The following ANKRD30A variants were observed in gnomAD, a reference collection of about 807,000 sequenced individuals.
ANKRD30A encodes the protein ankyrin repeat domain 30A, also known as ankyrin repeat domain-containing protein 30A.
In ANKRD30A, 170 loss-of-function variants were observed where a neutral mutation model predicts 166.3. The observed-to-expected ratio is 1.02, with a 90% CI of 0.90 to 1.16. The LOEUF is 1.16. Among genes scored for constraint, ANKRD30A ranks in the 50% most tolerant of loss-of-function variants. The pLI, the probability that ANKRD30A is intolerant of heterozygous loss-of-function variation, is 0.00. For missense variants in ANKRD30A, 1,630 were observed against 1,518.0 expected (o/e 1.07, Z -1.23); for synonymous variants, 564 against 508.9 (o/e 1.11, Z -1.46).
At chr10:37,147,494 A>C in intron 9 of ANKRD30A, 37 bp downstream of exon 9, 1 of 1,411,816 alleles carries the variant, frequency 7.1e-7, no homozygotes, top group Non-Finnish European at 9.8e-7. Flanking sequence ...TCTTTTAACC[A>C]TATGTTTGTC....
At chr10:37,238,759 G>A in the ANKRD30A span, among the ~76,000 whole-genome samples, 1 of 152,088 alleles carries the variant, frequency 6.6e-6, no homozygotes, top group Non-Finnish European at 1.5e-5. Context: ...GAAGTCACGT[G>A]AAAATGTATA....
chr10:37,191,510 T>A (rs1291367249), intron 25 of ANKRD30A, among the ~76,000 whole-genome samples: 1 of 151,960 alleles, frequency 6.6e-6, no homozygotes, highest in Non-Finnish European at 1.5e-5. Flanking sequence ...TACGTTCAGC[T>A]TTTGCATTTA....
At chr10:37,160,981 C>A (rs1371539892) in intron 15 of ANKRD30A, among the ~76,000 whole-genome samples, 1 of 152,092 alleles carries the variant, frequency 6.6e-6, no homozygotes, top group African/African-American at 2.4e-5. Flanking sequence ...TGACTGGGTG[C>A]GGTGGCTCAC....
chr10:37,240,161 C>T, the ANKRD30A span, among the ~76,000 whole-genome samples: 2 of 152,026 alleles, frequency 1.3e-5, no homozygotes, highest in African/African-American at 4.8e-5. Context: ...AAGATATAAA[C>T]ACATACTCAT....
chr10:37,145,750 C>CATAGAAAAACAGTTT (rs1215884161), intron 8 of ANKRD30A, among the ~76,000 whole-genome samples: 3 of 134,210 alleles, frequency 2.2e-5, no homozygotes, highest in Non-Finnish European at 4.9e-5. Flanking sequence ...TAATTGGATT[C>CATAGAAAAACAGTTT]ATAGAAAAAC....
At chr10:37,135,448 C>CA (rs1296591727) in intron 5 of ANKRD30A, 2 of 152,052 alleles carry the variant, frequency 1.3e-5, no homozygotes, top group African/African-American at 4.8e-5. Flanking sequence ...GATTTTCATA[C>CA]AAAAAATATT....
intron 18 of ANKRD30A, 128 bp downstream of exon 18, chr10:37,165,283 T>C: frequency 2.3e-6 from 2 of 877,138 alleles, no homozygotes; most frequent in South Asian, 3.3e-5. Flanking sequence ...TGTTTTTCAG[T>C]ATATGCTTAA....
intron 17 of ANKRD30A, among the ~76,000 whole-genome samples, chr10:37,164,772 T>G (rs1839176279): frequency 6.6e-6 from 1 of 152,022 alleles, no homozygotes; most frequent in African/African-American, 2.4e-5. Context: ...GTAATTACAG[T>G]TTTCTGAATG....
chr10:37,219,944 G>A (rs1842808738), intron 34 of ANKRD30A, 47 bp downstream of exon 34: 1 of 1,319,570 alleles, frequency 7.6e-7, no homozygotes, highest in Non-Finnish European at 9.8e-7. Flanking sequence ...CTGAAAGAAA[G>A]TTTAAAGTCA....
chr10:37,209,439 A>C (rs1842163512), intron 31 of ANKRD30A, among the ~76,000 whole-genome samples: 1 of 152,092 alleles, frequency 6.6e-6, no homozygotes, highest in South Asian at 2.1e-4. Context: ...GAGAGGTGGG[A>C]GGTGCCATGC....
At chr10:37,254,503 CTT>C in the ANKRD30A span, among the ~76,000 whole-genome samples, 2 of 151,934 alleles carry the variant, frequency 1.3e-5, no homozygotes, top group African/African-American at 4.8e-5. Context: ...TTATTCGACA[CTT>C]ATATCTTCTT....
At chr10:37,142,420 A>G (rs370531495) in intron 7 of ANKRD30A, 130 bp downstream of exon 7, 21 of 804,240 alleles carry the variant, frequency 2.6e-5, no homozygotes, top group East Asian at 1.3e-4. Context: ...ACACTTTTTA[A>G]TAGTATAGGA....
intron 1 of ANKRD30A, among the ~76,000 whole-genome samples, chr10:37,126,821 G>T (rs190408050): frequency 6.6e-6 from 1 of 152,156 alleles, no homozygotes; most frequent in African/African-American, 2.4e-5. Context: ...GCGGAGGCAG[G>T]TGGATCATCT....
chr10:37,151,514 C>T (rs868317146), intron 11 of ANKRD30A, among the ~76,000 whole-genome samples: 4 of 152,000 alleles, frequency 2.6e-5, no homozygotes, highest in African/African-American at 9.7e-5. Flanking sequence ...AAAACATATA[C>T]ACACCCAAAA....
chr10:37,194,465 C>T (rs61865173), intron 27 of ANKRD30A, among the ~76,000 whole-genome samples: 118 of 151,922 alleles, frequency 7.8e-4, no homozygotes, highest in African/African-American at 1.9e-3. Flanking sequence ...CTCAGCCTCC[C>T]GAGTAGCTGG....
At chr10:37,162,324 C>A (rs1316025409) in intron 15 of ANKRD30A, among the ~76,000 whole-genome samples, 1 of 152,130 alleles carries the variant, frequency 6.6e-6, no homozygotes, top group African/African-American at 2.4e-5. Flanking sequence ...ATAAGTGATT[C>A]TAATGTGTTT....
Position 37,197,477 on chromosome 10 carries a change from G to T in ANKRD30A, c.2713G>T (p.Ala905Ser). 6.2e-7 allele frequency: 1 copy of T among 1,612,206 alleles called. No homozygotes were observed. The highest frequency in any genetic ancestry group is 8.5e-7 in the Non-Finnish European group (1 of 1,179,654). The change falls in exon 29 of 36, where the codon GCA becomes TCA. Residue 905 changes from alanine to serine, a missense_variant. Ala to Ser is a moderately conservative substitution (Grantham distance 99, BLOSUM62 1). This residue lies in a region of ANKRD30A where 712 missense variants were observed against 629.3 expected (regional missense o/e 1.13). Coordinates refer to ENST00000361713, the MANE Select transcript of ANKRD30A (RefSeq NM_052997.3). The part of the protein sequence containing the change: ...LELKNEQTLR[A>S]DQMFPSESKQ... Reference sequence around the variant, plus strand: ...ATTGAAGAATGAACAAACATTGAGAGCAGGTACATTTTTCAATGTAACTAT... The same window carrying T: ...ATTGAAGAATGAACAAACATTGAGATCAGGTACATTTTTCAATGTAACTAT...
In ANKRD30A at chr10:37,125,773, C is replaced by T. The variant is rs1031181234; in HGVS notation, c.-15C>T. On this transcript the variant is annotated 5_prime_UTR_variant, in exon 1 of 36. Coordinates refer to ENST00000361713, the MANE Select transcript of ANKRD30A (RefSeq NM_052997.3). ...ATCGGGAGGCGCGGGCACTCTCTAGCAGGTGGCCGCAGCCATGGAGGAGAT... is the reference window on the plus strand; with the variant it reads ...ATCGGGAGGCGCGGGCACTCTCTAGTAGGTGGCCGCAGCCATGGAGGAGAT... The T allele has an allele frequency of 3.2e-6, 2 of 626,392 alleles. No individual in the cohort carries two copies. The highest frequency in any genetic ancestry group is 3.7e-5 in the African/African-American group (2 of 54,010). The allele number at this position is 626,392 out of a possible 1,614,324, so 38.8% of individuals were successfully genotyped here.
chr10:37,159,806 T>G (rs1838707386), intron 15 of ANKRD30A, among the ~76,000 whole-genome samples: 3 of 152,152 alleles, frequency 2.0e-5, no homozygotes, highest in South Asian at 4.1e-4. Flanking sequence ...GCCATTCTCC[T>G]GCCTCAGCCT....
Sources: allele counts gnomAD v4.1 joint callset (sites outside exome capture counted in the v4.1 genomes callset), GRCh38; gene constraint gnomAD v4.1.1; regional missense constraint gnomAD v4.1.1; transcripts MANE v1.5; gene names NCBI Gene and HGNC (gene_info 2026-07-23, HGNC 2026-07-21).